Variants in AGAP1 observed in about 807,000 individuals in gnomAD.
AGAP1 encodes ArfGAP with GTPase domain, ankyrin repeat and PH domain 1, also known as arf-GAP with GTPase, ANK repeat and PH domain-containing protein 1.
A neutral mutation model predicts 105.3 loss-of-function variants in AGAP1; 29 were observed. The observed-to-expected ratio is 0.28, with a 90% CI of 0.21 to 0.38. The LOEUF (loss-of-function observed/expected upper bound fraction) is 0.38, where lower values mean the gene tolerates loss of function less well. Ranked by LOEUF, AGAP1 falls within the 10% of genes least tolerant of loss-of-function variation. The pLI is 1.00. For missense variants in AGAP1, 998 were observed against 1,165.1 expected, an observed-to-expected ratio of 0.86 and a Z score of 2.09; for synonymous variants, 509 against 485.9, an observed-to-expected ratio of 1.05 and a Z score of -0.63.
chr2:235,723,696 C>A lies in AGAP1; in HGVS notation c.310+6052C>A, dbSNP rs951576021. On this transcript the variant is annotated intron_variant, in intron 3 of 17. Transcript: ENST00000304032. The surrounding 1 kb of genome is among the most constrained non-coding windows in gnomAD (Gnocchi z 6.2). ...GAGATCGTGGCACACCTGAGGAGGG[C>A]AGAAAGGTGGCCCCACAAGCTTCCC... is the stretch of plus-strand genomic sequence containing the variant. Among the ~76,000 whole-genome samples the A allele has an allele frequency of 2.6e-5, 4 of 152,310 alleles. No homozygotes were observed. Among genetic ancestry groups the A allele is most frequent in the East Asian group, 1.9e-4 (1 of 5,176 alleles).
chr2:235,523,555 G>A lies in AGAP1; in HGVS notation c.163+28706G>A, dbSNP rs1198488767. Among the ~76,000 whole-genome samples, 45 of 152,124 alleles carry A rather than the reference G, an allele frequency of 3.0e-4. 2 individuals are homozygous for A. Among genetic ancestry groups the A allele is most frequent in the Admixed American group, 2.9e-3 (44 of 15,264 alleles). ...GCCCATGTCATGGTACGTGCTGTCC[G>A]CTAAGCTCCCTCCCAGCCCTTAGTG... is the stretch of plus-strand genomic sequence containing the variant. On this transcript the variant is annotated intron_variant, in intron 1 of 17. Coordinates refer to ENST00000304032, the MANE Select transcript of AGAP1 (RefSeq NM_001037131.3).
In AGAP1 at chr2:236,083,908, TAC is replaced by T. The variant is rs369132084; in HGVS notation, c.2114+34635_2114+34636del. Among the ~76,000 whole-genome samples the T allele has an allele frequency of 6.6e-6, 1 of 152,058 alleles. No individual in the cohort carries two copies. The highest frequency in any genetic ancestry group is 1.5e-5 in the Non-Finnish European group (1 of 68,030). ...GTGTATGCACACACACGTGCACACA[TAC>T]ACACACAGGCACACATATGCACACA... On this transcript the variant is annotated intron_variant, in intron 16 of 17. Coordinates refer to ENST00000304032, the MANE Select transcript of AGAP1 (RefSeq NM_001037131.3). The surrounding 1 kb of genome is among the most constrained non-coding windows in gnomAD (Gnocchi z 5.3).
rs1177919153 is a variant in AGAP1 at position 235,763,068 on chromosome 2, GCACA to G, written c.673+12582_673+12585del. Among the ~76,000 whole-genome samples, 632 of 92,034 alleles carry G rather than the reference GCACA, an allele frequency of 6.9e-3. 1 individual carries two copies. Among genetic ancestry groups the G allele is most frequent in the Non-Finnish European group, 8.2e-3 (313 of 38,170 alleles). 60.4% of individuals were successfully genotyped at this position (92,034 alleles called of 152,430 possible). Reference sequence around the variant, plus strand: ...TGTGTGTGTATGTGTGCGCGCGCGCGCACACGTGCACCTGCCGTGTTTGAAAAAA... The same window carrying G: ...TGTGTGTGTATGTGTGCGCGCGCGCGCGTGCACCTGCCGTGTTTGAAAAAA... On this transcript the variant is annotated intron_variant, in intron 6 of 17. Transcript: ENST00000304032.
intron 4 of AGAP1, among the ~76,000 whole-genome samples, chr2:235,742,979 CA>C (rs1045395738): frequency 3.9e-5 from 6 of 152,148 alleles, no homozygotes; most frequent in African/African-American, 1.4e-4. Context: ...CCAGCCTGGC[CA>C]ACATGGTGAA....
intron 1 of AGAP1, among the ~76,000 whole-genome samples, chr2:235,687,003 T>C (rs1949486375): frequency 6.6e-6 from 1 of 151,988 alleles, no homozygotes; most frequent in Non-Finnish European, 1.5e-5. Context: ...CACTCTTCTT[T>C]CCACCCACTC....
chr2:235,892,103 G>A (rs1404990522), intron 10 of AGAP1, among the ~76,000 whole-genome samples: 11 of 151,504 alleles, frequency 7.3e-5, no homozygotes, highest in Non-Finnish European at 1.5e-4. Context: ...GCAGTGAGCC[G>A]ACGTGGTGCC....
rs1252950479 is a variant in AGAP1, at chr2:235,662,748, TGG to T, written c.164-46428_164-46427del. On this transcript the variant is annotated intron_variant, in intron 1 of 17. Coordinates refer to ENST00000304032, the MANE Select transcript of AGAP1 (RefSeq NM_001037131.3). This position sits in a 1 kb window ranked among gnomAD's most constrained non-coding sequence, Gnocchi z 4.2. ...AAAGGTGCTCAGCAGCTGCAGGAGTTGGGGTTTTCTGGGCTCACACCCAGCCT... is the reference window on the plus strand; with the variant it reads ...AAAGGTGCTCAGCAGCTGCAGGAGTTGGTTTTCTGGGCTCACACCCAGCCT... 1.3e-5 allele frequency among the ~76,000 whole-genome samples: 2 copies of T among 152,132 alleles called. No homozygotes were observed. The highest frequency in any genetic ancestry group is 2.9e-5 in the Non-Finnish European group (2 of 68,016).
At chr2:235,613,626 A>G (rs1247366284) in intron 1 of AGAP1, among the ~76,000 whole-genome samples, 1 of 152,214 alleles carries the variant, frequency 6.6e-6, no homozygotes, top group Non-Finnish European at 1.5e-5. Context: ...TCCCTGAAAA[A>G]ACTACAAGAA....
chr2:236,061,485 A>G lies in AGAP1; in HGVS notation c.2114+12204A>G, dbSNP rs534066784. ...CTGTGGATGAATGGGTGAACAAAAC[A>G]TGGTCTGTCCGTACACCAGAACGTG... is the stretch of plus-strand genomic sequence containing the variant. On this transcript the variant is annotated intron_variant, in intron 16 of 17. Transcript: ENST00000304032. The surrounding 1 kb of genome is among the most constrained non-coding windows in gnomAD (Gnocchi z 4.1). 4.6e-5 allele frequency among the ~76,000 whole-genome samples: 7 copies of G among 152,226 alleles called. No individual in the cohort carries two copies. The highest frequency in any genetic ancestry group is 1.0e-4 in the Non-Finnish European group (7 of 68,040).
At chr2:235,561,435 G>A (rs766120912) in intron 1 of AGAP1, among the ~76,000 whole-genome samples, 38 of 152,144 alleles carry the variant, frequency 2.5e-4, no homozygotes, top group African/African-American at 4.8e-4. Flanking sequence ...ATTCCTACTC[G>A]TTGGTTCAGG....
intron 1 of AGAP1, among the ~76,000 whole-genome samples, chr2:235,515,174 C>A (rs1942328096): frequency 1.3e-5 from 2 of 152,152 alleles, no homozygotes; most frequent in South Asian, 4.1e-4. Flanking sequence ...TGGTTGGAAA[C>A]ATGAGAATCC....
chr2:235,537,981 T>C (rs1943297552), intron 1 of AGAP1, among the ~76,000 whole-genome samples: 1 of 152,204 alleles, frequency 6.6e-6, no homozygotes, highest in Non-Finnish European at 1.5e-5. Flanking sequence ...CTAAGAGGCT[T>C]CTTGTTAGCT....
At chr2:235,588,762 A>G (rs1945218106) in intron 1 of AGAP1, among the ~76,000 whole-genome samples, 1 of 152,174 alleles carries the variant, frequency 6.6e-6, no homozygotes, top group Admixed American at 6.5e-5. Context: ...CAAGAATATC[A>G]TACATGTCAT....
intron 1 of AGAP1, among the ~76,000 whole-genome samples, chr2:235,681,501 C>T (rs566944895): frequency 3.3e-5 from 5 of 152,212 alleles, no homozygotes; most frequent in Admixed American, 6.5e-5. Context: ...CCAACACAGC[C>T]GACAGGTGGA....
rs1951275847 is a variant in AGAP1, at chr2:235,719,495, C to T, written c.310+1851C>T. Among the ~76,000 whole-genome samples the T allele has an allele frequency of 6.6e-6, 1 of 152,164 alleles. No homozygotes were observed. The highest frequency in any genetic ancestry group is 1.5e-5 in the Non-Finnish European group (1 of 68,038). On this transcript the variant is annotated intron_variant, in intron 3 of 17. Coordinates refer to ENST00000304032, the MANE Select transcript of AGAP1 (RefSeq NM_001037131.3). This position sits in a 1 kb window ranked among gnomAD's most constrained non-coding sequence, Gnocchi z 4.9. ...TCAAAAGGAAGGATTGTGGGGTGAC[C>T]TAAACTGATCACTAACATCCCTGCT...
intron 11 of AGAP1, among the ~76,000 whole-genome samples, chr2:235,925,320 CAG>C (rs1474116943): frequency 1.3e-5 from 2 of 151,914 alleles, no homozygotes; most frequent in Non-Finnish European, 2.9e-5. Context: ...CGATGGTGCG[CAG>C]AGTTTTCCCA....
rs111534591 is a variant in AGAP1, at chr2:235,738,969, C to A, written c.311-1994C>A. On this transcript the variant is annotated intron_variant, in intron 3 of 17. Transcript: ENST00000304032. ...TTTTAAAGGGAAATAATACTACTAT[C>A]ACTGTTGCAGACTTTTCTGTCGTAA... Among the ~76,000 whole-genome samples, 876 of 152,302 alleles carry A rather than the reference C, an allele frequency of 5.8e-3. 4 individuals are homozygous for A. The highest frequency in any genetic ancestry group is 0.02 in the African/African-American group (832 of 41,568).
Position 236,069,224 on chromosome 2 carries a change from C to T in AGAP1, c.2114+19943C>T, listed in dbSNP as rs145781050. 2.9e-3 allele frequency among the ~76,000 whole-genome samples: 440 copies of T among 151,886 alleles called. 2 individuals carry two copies. Among genetic ancestry groups the T allele is most frequent in the Non-Finnish European group, 5.4e-3 (364 of 67,978 alleles). On this transcript the variant is annotated intron_variant, in intron 16 of 17. Transcript: ENST00000304032. ...AGTATGCAAGTAATGCATATAGTTA[C>T]ATTATATAAAATACATGATTTTGTC...
chr2:235,835,738 A>G (rs1960080925), intron 9 of AGAP1, among the ~76,000 whole-genome samples: 1 of 152,212 alleles, frequency 6.6e-6, no homozygotes, highest in African/African-American at 2.4e-5. Flanking sequence ...AAAAGTTTGT[A>G]TCATGTTAAG....
Sources: allele counts gnomAD v4.1 joint callset (sites outside exome capture counted in the v4.1 genomes callset), GRCh38; gene constraint gnomAD v4.1.1; non-coding constraint Gnocchi (gnomAD v3.1); transcripts MANE v1.5; gene names NCBI Gene and HGNC (gene_info 2026-07-23, HGNC 2026-07-21).